The following USP50 variants were observed in gnomAD, a reference collection of about 807,000 sequenced individuals.
USP50 encodes ubiquitin specific peptidase 50, also known as ubiquitin carboxyl-terminal hydrolase 50.
Under a neutral mutation model 39.2 loss-of-function variants are expected in USP50, and 37 were observed. The observed-to-expected ratio is 0.94, with a 90% CI of 0.73 to 1.24. The LOEUF is 1.24. Among genes scored for constraint, USP50 ranks in the 50% most tolerant of loss-of-function variants. The probability of loss-of-function intolerance (pLI) is 0.00; values close to 1 mark genes in which losing one functional copy is unlikely to be tolerated. For missense variants in USP50, 374 were observed against 398.2 expected, an observed-to-expected ratio of 0.94 and a Z score of 0.52; for synonymous variants, 139 against 144.5, an observed-to-expected ratio of 0.96 and a Z score of 0.27.
Position 50,535,135 on chromosome 15 carries a change from TCACACA to T in USP50, c.803+3568_803+3573del, listed in dbSNP as rs113407791. Among the ~76,000 whole-genome samples the T allele has an allele frequency of 2.4e-4, 34 of 144,608 alleles. 1 individual carries two copies. Among genetic ancestry groups the T allele is most frequent in the South Asian group, 6.7e-4 (3 of 4,454 alleles). The allele number at this position is 144,608 out of a possible 152,430, so 94.9% of individuals were successfully genotyped here. A position where few individuals can be genotyped will look rare whatever the true frequency, so the allele number is the denominator to read the frequency against. ...GCCTGGGCAACAGAGTGAAACTCTG[TCACACA>T]CACACACACACACACACACACACAA... On this transcript the variant is annotated intron_variant, in intron 5 of 6. Coordinates refer to ENST00000532404, the MANE Select transcript of USP50 (RefSeq NM_203494.5).
intron 5 of USP50, among the ~76,000 whole-genome samples, chr15:50,530,938 T>C (rs1198219141): frequency 2.0e-5 from 3 of 152,140 alleles, no homozygotes; most frequent in Non-Finnish European, 2.9e-5. Context: ...GCTCTGAGTT[T>C]TTGTTTGTTT....
chr15:50,539,735 A>C, intron 4 of USP50, among the ~76,000 whole-genome samples: 1 of 152,146 alleles, frequency 6.6e-6, no homozygotes, highest in East Asian at 1.9e-4. Context: ...TTCAGCAGTG[A>C]AATCAGGCAG....
chr15:50,525,600 G>GTATATGTA (rs1353140579), intron 6 of USP50, among the ~76,000 whole-genome samples: 7 of 142,848 alleles, frequency 4.9e-5, no homozygotes, highest in African/African-American at 1.3e-4. Context: ...ATGTATATAT[G>GTATATGTA]TATATGTATA....
chr15:50,543,729 C>A lies in USP50; in HGVS notation c.313G>T (p.Asp105Tyr). Residue 105 changes from aspartate (D) to tyrosine (Y), a missense_variant, in exon 3 of 7, where the codon GAC becomes TAC. Transcript: ENST00000532404. ...CAGAATATTTCTGGTGAGACACAGT[C>A]TGAGTCTCCCAGCCACATGTCTGTC... is the stretch of plus-strand genomic sequence containing the variant. The part of the protein sequence containing the change: ...LMTDMWLGDS[D>Y]CVSPEIFWSA... The A allele has an allele frequency of 6.2e-7, 1 of 1,611,034 alleles. No homozygotes were observed. The highest frequency in any genetic ancestry group is 8.5e-7 in the Non-Finnish European group (1 of 1,178,432).
At chr15:50,519,890 T>C (rs1444900060) in intron 6 of USP50, among the ~76,000 whole-genome samples, 1 of 152,120 alleles carries the variant, frequency 6.6e-6, no homozygotes, top group East Asian at 1.9e-4. Flanking sequence ...CTCAGAGAAC[T>C]AAAAATAGAA....
chr15:50,512,339 A>G (rs997254816), intron 6 of USP50: 1 of 151,602 alleles, frequency 6.6e-6, no homozygotes, highest in Non-Finnish European at 1.5e-5. Flanking sequence ...AAAAAAAAAA[A>G]TAGCGAGAGA....
chr15:50,498,562 T>C, downstream of USP50: 2 of 1,570,938 alleles, frequency 1.3e-6, no homozygotes, highest in Admixed American at 1.8e-5. Context: ...GGTATCTTCC[T>C]CTGTCAGTGT....
At chr15:50,493,691 G>A (rs746678776), downstream of USP50, 109 of 371,106 alleles carry the variant, frequency 2.9e-4, no homozygotes, top group Non-Finnish European at 5.1e-4. Flanking sequence ...GCTGCAGTGA[G>A]CCGTGATTGT....
chr15:50,529,172 T>C (rs1334601614), intron 6 of USP50, among the ~76,000 whole-genome samples: 1 of 151,984 alleles, frequency 6.6e-6, no homozygotes, highest in African/African-American at 2.4e-5. Context: ...ATGTACCTAC[T>C]CTTTTGGGGC....
chr15:50,527,236 G>C (rs896106592), intron 6 of USP50, among the ~76,000 whole-genome samples: 4 of 152,116 alleles, frequency 2.6e-5, no homozygotes, highest in African/African-American at 9.7e-5. Flanking sequence ...ACGGAGTCTC[G>C]TTCTGTCATC....
downstream of USP50, chr15:50,496,144 A>G (rs2052392291): frequency 5.2e-6 from 7 of 1,339,156 alleles, no homozygotes; most frequent in African/African-American, 1.5e-5. Flanking sequence ...TTTTATGGAT[A>G]TAGAGATGTA....
chr15:50,530,232 G>A (rs945339065), intron 5 of USP50, among the ~76,000 whole-genome samples: 1 of 151,976 alleles, frequency 6.6e-6, no homozygotes, highest in Non-Finnish European at 1.5e-5. Context: ...GCAGTGAGTC[G>A]TGATTGTGCC....
At chr15:50,539,108 G>GTTTTTTTTTTTTTTTT (rs1295647053) in intron 4 of USP50, among the ~76,000 whole-genome samples, 1 of 133,528 alleles carries the variant, frequency 7.5e-6, no homozygotes, top group African/African-American at 2.7e-5. Flanking sequence ...GTTTTTTTTG[G>GTTTTTTTTTTTTTTTT]TTTTGTTTTT....
At chr15:50,513,550 C>CAAG (rs1034603966) in intron 6 of USP50, 27 of 140,102 alleles carry the variant, frequency 1.9e-4, no homozygotes, top group Non-Finnish European at 3.5e-4. Context: ...AGTGAAGAAT[C>CAAG]AAGCCACAGA....
At chr15:50,530,889 T>TTTTC (rs1398176909) in intron 5 of USP50, among the ~76,000 whole-genome samples, 1 of 152,144 alleles carries the variant, frequency 6.6e-6, no homozygotes, top group African/African-American at 2.4e-5. Flanking sequence ...CCTTATCTTG[T>TTTTC]TTTCAGCACA....
intron 6 of USP50, among the ~76,000 whole-genome samples, chr15:50,525,572 GTATATGTATATA>G (rs2052884679): frequency 3.1e-5 from 2 of 64,722 alleles, no homozygotes; most frequent in East Asian, 8.7e-4. Context: ...ATGTATATAT[GTATATGTATATA>G]TGTATATGTA....
chr15:50,531,987 C>G (rs2141372496), intron 5 of USP50: 2 of 372,802 alleles, frequency 5.4e-6, no homozygotes, highest in South Asian at 4.1e-5. Context: ...AACAGACCAG[C>G]AAACATAGAG....
intron 5 of USP50, among the ~76,000 whole-genome samples, chr15:50,531,445 C>A (rs1449937688): frequency 6.6e-6 from 1 of 152,122 alleles, no homozygotes; most frequent in Non-Finnish European, 1.5e-5. Flanking sequence ...GAAAGAAAAA[C>A]TCTGAAAGCT....
intron 6 of USP50, among the ~76,000 whole-genome samples, chr15:50,524,787 A>G (rs2052875615): frequency 6.6e-6 from 1 of 152,114 alleles, no homozygotes; most frequent in Non-Finnish European, 1.5e-5. Context: ...AGTGGGAGGA[A>G]CGCTTGAGCC....
Sources: allele counts gnomAD v4.1 joint callset (sites outside exome capture counted in the v4.1 genomes callset), GRCh38; gene constraint gnomAD v4.1.1; transcripts MANE v1.5; gene names NCBI Gene and HGNC (gene_info 2026-07-23, HGNC 2026-07-21).